Variants in PRR16 observed in about 807,000 individuals in gnomAD.
The protein encoded by PRR16 is protein Largen.
In PRR16, 6 loss-of-function variants were observed where a neutral mutation model predicts 18.2. The observed-to-expected ratio is 0.33, with a 90% CI of 0.18 to 0.65. PRR16 has a LOEUF of 0.65. Ranked by LOEUF, PRR16 falls within the 30% of genes least tolerant of loss-of-function variation. PRR16 has a pLI of 0.74. For missense variants in PRR16, 412 were observed against 376.6 expected (o/e 1.09, Z -0.78); for synonymous variants, 151 against 147.8 (o/e 1.02, Z -0.16).
chr5:120,557,578 A>T (rs1434226198), intron 1 of PRR16, among the ~76,000 whole-genome samples: 1 of 151,856 alleles, frequency 6.6e-6, no homozygotes, highest in Non-Finnish European at 1.5e-5. Flanking sequence ...TCACCCTGTC[A>T]TTAGTTATTT....
At chr5:120,641,295 T>C (rs925912046) in intron 1 of PRR16, among the ~76,000 whole-genome samples, 6 of 152,186 alleles carry the variant, frequency 3.9e-5, no homozygotes, top group Non-Finnish European at 7.3e-5. Flanking sequence ...ATACCTGGTC[T>C]GCTGGTGCTA....
At chr5:120,600,445 A>C (rs1753946353) in intron 1 of PRR16, among the ~76,000 whole-genome samples, 1 of 151,912 alleles carries the variant, frequency 6.6e-6, no homozygotes, top group South Asian at 2.1e-4. Context: ...ATAGTTCAGA[A>C]ATTTGCAAAC....
chr5:120,476,367 A>G (rs956698134), intron 1 of PRR16, among the ~76,000 whole-genome samples: 1 of 152,126 alleles, frequency 6.6e-6, no homozygotes, highest in Non-Finnish European at 1.5e-5. Context: ...CCAACTTGAT[A>G]TCTGTGCTCC....
chr5:120,532,439 A>G (rs1291023225), intron 1 of PRR16, among the ~76,000 whole-genome samples: 2 of 152,220 alleles, frequency 1.3e-5, no homozygotes, highest in Middle Eastern at 6.8e-3. Context: ...TGGGTGTTAA[A>G]TAAGAAAAAA....
At chr5:120,646,356 T>A (rs74700935) in intron 1 of PRR16, among the ~76,000 whole-genome samples, 1 of 151,908 alleles carries the variant, frequency 6.6e-6, no homozygotes, top group African/African-American at 2.4e-5. Flanking sequence ...TGCCCCTCTT[T>A]GTTAAATAAA....
chr5:120,575,007 T>C (rs1753026917), intron 1 of PRR16, among the ~76,000 whole-genome samples: 1 of 148,756 alleles, frequency 6.7e-6, no homozygotes, highest in African/African-American at 2.6e-5. Context: ...ATAAGGTGTT[T>C]TGAGAGAGAG....
intron 1 of PRR16, among the ~76,000 whole-genome samples, chr5:120,685,519 G>C (rs1757092013): frequency 6.6e-6 from 1 of 152,010 alleles, no homozygotes; most frequent in South Asian, 2.1e-4. Flanking sequence ...TCAAGTCTCT[G>C]TTGGTCTCAA....
intron 1 of PRR16, among the ~76,000 whole-genome samples, chr5:120,670,408 A>G (rs1435646496): frequency 1.3e-5 from 2 of 152,074 alleles, no homozygotes; most frequent in African/African-American, 4.8e-5. Context: ...GCAGATTTAA[A>G]TGACCATTAT....
the PRR16 span, among the ~76,000 whole-genome samples, chr5:120,733,722 T>C: frequency 2.0e-5 from 3 of 152,186 alleles, no homozygotes; most frequent in Non-Finnish European, 4.4e-5. Flanking sequence ...TCCAGCCTGA[T>C]TACCTAGCCT....
chr5:120,719,104 G>C, the PRR16 span, among the ~76,000 whole-genome samples: 1 of 151,982 alleles, frequency 6.6e-6, no homozygotes, highest in African/African-American at 2.4e-5. Flanking sequence ...ATTGTGTAAG[G>C]TATCTTAAAG....
intron 1 of PRR16, among the ~76,000 whole-genome samples, chr5:120,510,308 C>T (rs1342011308): frequency 6.6e-6 from 1 of 152,126 alleles, no homozygotes; most frequent in Admixed American, 6.6e-5. Context: ...CAAATAATAA[C>T]ATTCAACGTG....
At chr5:120,747,503 T>C in the PRR16 span, among the ~76,000 whole-genome samples, 1 of 152,156 alleles carries the variant, frequency 6.6e-6, no homozygotes, top group Non-Finnish European at 1.5e-5. Context: ...ACCAATCATA[T>C]CAATGATTCT....
At chr5:120,559,829 T>A (rs989640030) in intron 1 of PRR16, among the ~76,000 whole-genome samples, 1 of 151,960 alleles carries the variant, frequency 6.6e-6, no homozygotes, top group Non-Finnish European at 1.5e-5. Flanking sequence ...GTTCAATTTC[T>A]TTCATCAGTA....
chr5:120,714,180 TG>T, the PRR16 span, among the ~76,000 whole-genome samples: 2 of 152,178 alleles, frequency 1.3e-5, no homozygotes, highest in African/African-American at 4.8e-5. Flanking sequence ...CAAGTGTGAT[TG>T]TTATAGTTGA....
At chr5:120,699,926 T>C in the PRR16 span, among the ~76,000 whole-genome samples, 1 of 152,078 alleles carries the variant, frequency 6.6e-6, no homozygotes, top group Non-Finnish European at 1.5e-5. Flanking sequence ...TTGGGCTTGA[T>C]TGAAGTAATG....
the PRR16 span, among the ~76,000 whole-genome samples, chr5:120,703,040 G>A: frequency 5.3e-5 from 8 of 152,082 alleles, no homozygotes; most frequent in African/African-American, 9.7e-5. Context: ...GGGTGCAGGC[G>A]GGCTGAGTCC....
intron 1 of PRR16, among the ~76,000 whole-genome samples, chr5:120,632,063 CTG>C (rs1180391708): frequency 6.6e-6 from 1 of 152,174 alleles, no homozygotes. Context: ...TCACAGGACT[CTG>C]TGCAGATACT....
chr5:120,505,451 C>T (rs902259406), intron 1 of PRR16, among the ~76,000 whole-genome samples: 1 of 151,964 alleles, frequency 6.6e-6, no homozygotes, highest in Non-Finnish European at 1.5e-5. Flanking sequence ...CAAATGGGCT[C>T]CTTTGTACCC....
the PRR16 span, among the ~76,000 whole-genome samples, chr5:120,701,565 A>C: frequency 0.015 from 2,234 of 152,158 alleles, 64 homozygotes; most frequent in African/African-American, 0.05. Flanking sequence ...AGGTGTGAGG[A>C]GGGGAGGTGA....
Sources: gnomAD v4.1 joint callset for allele counts (sites outside exome capture counted in the v4.1 genomes callset) on GRCh38, gnomAD v4.1.1 for gene constraint, MANE v1.5 for transcripts, NCBI Gene and HGNC (gene_info 2026-07-23, HGNC 2026-07-21) for gene names.